Variants in ZNF536 observed in about 807,000 individuals in gnomAD.
ZNF536 encodes the protein zinc finger protein 536.
ZNF536 carries 13 observed loss-of-function variants against 84.5 expected under a neutral mutation model. The ratio of observed to expected loss-of-function variants is 0.15; its 90% confidence interval spans 0.10 to 0.24. The LOEUF (loss-of-function observed/expected upper bound fraction) is 0.24. ZNF536 is among the 10% of genes least tolerant of loss of function. The pLI is 1.00. For missense variants in ZNF536, 1,536 were observed against 1,747.5 expected (o/e 0.88, Z 2.16); for synonymous variants, 811 against 742.5 (o/e 1.09, Z -1.50).
intron 2 of ZNF536, among the ~76,000 whole-genome samples, chr19:30,300,904 C>A (rs2046160187): frequency 6.6e-6 from 1 of 152,198 alleles, no homozygotes; most frequent in Non-Finnish European, 1.5e-5. Flanking sequence ...CTGCCGCTAA[C>A]TAGCTCCATG....
At chr19:30,425,871 A>T (rs747261678) in intron 1 of ZNF536, among the ~76,000 whole-genome samples, 4 of 152,208 alleles carry the variant, frequency 2.6e-5, no homozygotes, top group Non-Finnish European at 5.9e-5. Flanking sequence ...GTGGGCATGG[A>T]TGCAAGGATG....
chr19:30,655,612 G>A (rs192804008), intron 1 of ZNF536, among the ~76,000 whole-genome samples: 15 of 152,296 alleles, frequency 9.8e-5, no homozygotes, highest in Admixed American at 2.0e-4. Context: ...TTGGGGAATA[G>A]GGCAGAATTG....
chr19:30,291,711 A>G (rs1458473123), intron 2 of ZNF536, among the ~76,000 whole-genome samples: 2 of 152,220 alleles, frequency 1.3e-5, no homozygotes, highest in African/African-American at 4.8e-5. Flanking sequence ...GCAGCGTGCC[A>G]GGCCTCCACT....
intron 1 of ZNF536, among the ~76,000 whole-genome samples, chr19:30,673,538 C>T (rs562979323): frequency 1.3e-5 from 2 of 152,196 alleles, no homozygotes; most frequent in Non-Finnish European, 2.9e-5. Flanking sequence ...ATCGCCCGCA[C>T]AGCACCATGG....
intron 1 of ZNF536, among the ~76,000 whole-genome samples, chr19:30,250,402 A>C (rs1056841452): frequency 2.0e-5 from 3 of 152,174 alleles, no homozygotes; most frequent in African/African-American, 7.2e-5. Flanking sequence ...ATGCAGGCTG[A>C]GCTCTTGGGG....
rs1326013535 is a variant in ZNF536 at position 30,445,941 on chromosome 19, A to T, written c.2170+209A>T. Among the ~76,000 whole-genome samples the T allele has an allele frequency of 6.6e-6, 1 of 152,014 alleles. No individual in the cohort carries two copies. Among genetic ancestry groups the T allele is most frequent in the Non-Finnish European group, 1.5e-5 (1 of 67,980 alleles). On this transcript the variant is annotated intron_variant, in intron 2 of 4. Coordinates refer to ENST00000355537, the MANE Select transcript of ZNF536 (RefSeq NM_014717.3). The surrounding 1 kb of genome is among the most constrained non-coding windows in gnomAD (Gnocchi z 4.5). The stretch of plus-strand genomic sequence containing the variant: ...TCACCTCTTAGGCCTTCCCTTGAAC[A>T]CTGGCTACCAAGAAAGTAAGTTGAG...
intron 1 of ZNF536, among the ~76,000 whole-genome samples, chr19:30,615,711 A>C (rs2048270564): frequency 6.6e-6 from 1 of 152,150 alleles, no homozygotes; most frequent in African/African-American, 2.4e-5. Context: ...TTAAGTTTAT[A>C]GATTTATAGG....
intron 4 of ZNF536, 37 bp downstream of exon 4, chr19:30,549,551 C>T: frequency 6.7e-7 from 1 of 1,489,610 alleles, no homozygotes; most frequent in African/African-American, 1.4e-5. Context: ...GTTCATTTCC[C>T]AAAACATCAG....
At chr19:30,664,204 T>TTTTCTC (rs2050224290) in intron 1 of ZNF536, among the ~76,000 whole-genome samples, 1 of 90,718 alleles carries the variant, frequency 1.1e-5, no homozygotes, top group Non-Finnish European at 2.1e-5. Flanking sequence ...TTGCTGAGTT[T>TTTTCTC]TCTCTCTCTC....
chr19:30,292,003 T>C (rs2045856183), intron 2 of ZNF536, among the ~76,000 whole-genome samples: 1 of 152,240 alleles, frequency 6.6e-6, no homozygotes, highest in Admixed American at 6.5e-5. Flanking sequence ...GCATTGACAC[T>C]ACAAAGGCAG....
chr19:30,296,657 C>G (rs1401974552), intron 2 of ZNF536, among the ~76,000 whole-genome samples: 3 of 152,166 alleles, frequency 2.0e-5, no homozygotes, highest in East Asian at 1.9e-4. Flanking sequence ...CCCCAGGGAG[C>G]CTAAAATGTG....
intron 1 of ZNF536, among the ~76,000 whole-genome samples, chr19:30,569,556 G>GTCCTTTTTTTTTTTTT (rs1568563601): frequency 1.2e-5 from 1 of 80,440 alleles, no homozygotes; most frequent in African/African-American, 4.9e-5. Flanking sequence ...CCAGATAAAC[G>GTCCTTTTTTTTTTTTT]TTCTTTTTTT....
intron 1 of ZNF536, among the ~76,000 whole-genome samples, chr19:30,402,074 G>A (rs1265687630): frequency 6.6e-6 from 1 of 152,238 alleles, no homozygotes; most frequent in Non-Finnish European, 1.5e-5. Flanking sequence ...TGGTAAGCAT[G>A]TTGCAGCCTC....
intron 2 of ZNF536, among the ~76,000 whole-genome samples, chr19:30,496,239 T>C (rs2054713618): frequency 6.6e-6 from 1 of 152,160 alleles, no homozygotes; most frequent in Non-Finnish European, 1.5e-5. Flanking sequence ...ACAAACTTTC[T>C]GTTCTGTCTC....
intron 1 of ZNF536, among the ~76,000 whole-genome samples, chr19:30,686,233 AC>A (rs1176904355): frequency 1.3e-5 from 2 of 148,342 alleles, no homozygotes; most frequent in Admixed American, 6.7e-5. Context: ...AGCAGCGAGC[AC>A]CCCCCAACTC....
At chr19:30,323,127 G>A (rs2046911960) in intron 2 of ZNF536, among the ~76,000 whole-genome samples, 1 of 151,790 alleles carries the variant, frequency 6.6e-6, no homozygotes, top group Admixed American at 6.6e-5. Flanking sequence ...CCCAGGGCCA[G>A]GGAGCTTCTA....
intron 1 of ZNF536, among the ~76,000 whole-genome samples, chr19:30,232,482 A>G (rs1271829213): frequency 2.0e-5 from 3 of 150,930 alleles, no homozygotes; most frequent in Non-Finnish European, 2.9e-5. Context: ...CCATCTTTAT[A>G]TTAATGTGTA....
Position 30,410,505 on chromosome 19 carries a change from C to T in ZNF536, c.-2-33056C>T, listed in dbSNP as rs1027724670. On this transcript the variant is annotated intron_variant, in intron 1 of 4. Transcript: ENST00000355537. The stretch of plus-strand genomic sequence containing the variant: ...TTTTTTTTTTTTTGAGACGGAGTCT[C>T]GCTCTGTCGCCCAGGCTGGAGTGCA... Among the ~76,000 whole-genome samples the T allele has an allele frequency of 1.0e-4, 13 of 124,648 alleles. No individual in the cohort carries two copies. In the East Asian group the frequency reaches 1.3e-3, roughly 13 times the overall value. 81.8% of individuals were successfully genotyped at this position (124,648 alleles called of 152,430 possible).
upstream of ZNF536, among the ~76,000 whole-genome samples, chr19:30,368,339 T>G (rs761744272): frequency 6.6e-6 from 1 of 152,264 alleles, no homozygotes; most frequent in Non-Finnish European, 1.5e-5. Context: ...TGGTGCACAC[T>G]ACGGCTGCAA....
Sources: allele counts gnomAD v4.1 joint callset (sites outside exome capture counted in the v4.1 genomes callset), GRCh38; gene constraint gnomAD v4.1.1; non-coding constraint Gnocchi (gnomAD v3.1); transcripts MANE v1.5; gene names NCBI Gene and HGNC (gene_info 2026-07-23, HGNC 2026-07-21).